FREM3: variants seen among roughly 807,000 people sequenced by gnomAD.
FREM3 encodes the protein FRAS1 related extracellular matrix 3, also known as FRAS1-related extracellular matrix protein 3.
FREM3 carries 105 observed loss-of-function variants against 129.1 expected under a neutral mutation model. The observed-to-expected ratio is 0.81, with a 90% CI of 0.69 to 0.96. The LOEUF (loss-of-function observed/expected upper bound fraction) is 0.96, where lower values mean the gene tolerates loss of function less well. Ranked by LOEUF, FREM3 falls within the 40% of genes least tolerant of loss-of-function variation. FREM3 has a pLI of 0.00. For synonymous variants in FREM3, 1,014 were observed against 1,044.9 expected, an observed-to-expected ratio of 0.97 and a Z score of 0.57; for missense variants, 2,593 against 2,666.3, an observed-to-expected ratio of 0.97 and a Z score of 0.61.
At chr4:143,631,286 C>T (rs897571760) in intron 2 of FREM3, among the ~76,000 whole-genome samples, 7 of 152,090 alleles carry the variant, frequency 4.6e-5, no homozygotes, top group Non-Finnish European at 1.0e-4. Flanking sequence ...TTCCAGTTTA[C>T]TACAGGAATA....
At chr4:143,604,755 G>T (rs1322424391) in intron 6 of FREM3, among the ~76,000 whole-genome samples, 2 of 151,972 alleles carry the variant, frequency 1.3e-5, no homozygotes, top group African/African-American at 2.4e-5. Flanking sequence ...CATGTATGTG[G>T]ATTCTAGCAT....
intron 2 of FREM3, among the ~76,000 whole-genome samples, chr4:143,664,971 ATT>A (rs745956426): frequency 1.3e-5 from 2 of 152,090 alleles, no homozygotes; most frequent in East Asian, 3.9e-4. Context: ...GAGTGACCTG[ATT>A]TTCCAGGTGC....
In FREM3 at chr4:143,698,013, T is replaced by A. The variant is rs777994401; in HGVS notation, c.2663A>T (p.Glu888Val). ...AATAACATCAGCTTGCATGAAAGAT[T>A]CCCCTGGGACCATACATCTTTTAAA... Reference protein sequence around the residue: ...QYFKRCMVPGESFMQADVING... With the variant: ...QYFKRCMVPGVSFMQADVING... Residue 888 changes from glutamate to valine, a missense_variant, in exon 1 of 8, where the codon GAA becomes GTA. Glu to Val is a moderately radical substitution (Grantham distance 121). This residue lies in a region of FREM3 where 2,276 missense variants were observed against 2,267.2 expected (regional missense o/e 1.00). Transcript: ENST00000329798. 62 of 1,537,236 alleles carry A rather than the reference T, an allele frequency of 4.0e-5. No homozygotes were observed. The African/African-American group carries it at 8.2e-4, about 20-fold the overall frequency.
At chr4:143,578,430 A>G (rs889679052) in intron 7 of FREM3, among the ~76,000 whole-genome samples, 2 of 152,224 alleles carry the variant, frequency 1.3e-5, no homozygotes, top group Non-Finnish European at 2.9e-5. Context: ...ATGATAATCA[A>G]TGGAATTAAA....
At chr4:143,662,047 G>T (rs1739737694) in intron 2 of FREM3, among the ~76,000 whole-genome samples, 1 of 151,838 alleles carries the variant, frequency 6.6e-6, no homozygotes, top group Non-Finnish European at 1.5e-5. Context: ...CCAGCTCCTG[G>T]ATTCATTGAT....
intron 2 of FREM3, among the ~76,000 whole-genome samples, chr4:143,660,639 A>C (rs1419198321): frequency 1.3e-5 from 2 of 152,088 alleles, no homozygotes; most frequent in South Asian, 4.1e-4. Context: ...TGGTAGCTTG[A>C]TGGGCATGGC....
Position 143,595,438 on chromosome 4 carries a change from A to G in FREM3, c.6029-9445T>C, listed in dbSNP as rs182107332. On this transcript the variant is annotated intron_variant, in intron 6 of 7. Transcript: ENST00000329798. Reference sequence around the variant, plus strand: ...TTTTACTTCAGTTCAACGAACATCTATTGAGCATCCCCTATGTGCTGTAAG... The same window carrying G: ...TTTTACTTCAGTTCAACGAACATCTGTTGAGCATCCCCTATGTGCTGTAAG... Among the ~76,000 whole-genome samples the G allele has an allele frequency of 5.9e-5, 9 of 152,328 alleles. No individual in the cohort carries two copies. The East Asian group carries it at 1.5e-3, about 26-fold the overall frequency.
intron 2 of FREM3, among the ~76,000 whole-genome samples, chr4:143,631,843 T>C (rs1355757882): frequency 6.6e-6 from 1 of 152,118 alleles, no homozygotes; most frequent in African/African-American, 2.4e-5. Flanking sequence ...TTTGTAATGG[T>C]ATTCTTTAGT....
At chr4:143,590,917 T>C (rs1389810712) in intron 6 of FREM3, among the ~76,000 whole-genome samples, 4 of 152,116 alleles carry the variant, frequency 2.6e-5, no homozygotes, top group African/African-American at 7.2e-5. Context: ...AATTTCAGAT[T>C]CTGTTATTGG....
intron 5 of FREM3, among the ~76,000 whole-genome samples, chr4:143,616,754 C>T (rs1041793906): frequency 9.3e-5 from 14 of 150,920 alleles, no homozygotes; most frequent in African/African-American, 3.2e-4. Context: ...GACGGCGACA[C>T]TGCACTCCAG....
intron 2 of FREM3, among the ~76,000 whole-genome samples, chr4:143,666,006 C>A (rs917686152): frequency 6.6e-6 from 1 of 152,264 alleles, no homozygotes; most frequent in East Asian, 1.9e-4. Context: ...CTTATCTGTA[C>A]TAACCTTCTA....
At chr4:143,587,981 TCTGC>T (rs1436968815) in intron 6 of FREM3, among the ~76,000 whole-genome samples, 1 of 152,198 alleles carries the variant, frequency 6.6e-6, no homozygotes, top group African/African-American at 2.4e-5. Flanking sequence ...TCCTGCATCC[TCTGC>T]CTTGATAAAC....
At chr4:143,590,295 AGGGCATCCC>A (rs1390540427) in intron 6 of FREM3, among the ~76,000 whole-genome samples, 1 of 152,196 alleles carries the variant, frequency 6.6e-6, no homozygotes, top group Non-Finnish European at 1.5e-5. Context: ...GTGATGAGAG[AGGGCATCCC>A]TGTCTTGTGC....
chr4:143,700,168 C>G lies in FREM3; in HGVS notation c.508G>C (p.Val170Leu). The G allele has an allele frequency of 2.6e-6, 4 of 1,537,022 alleles. No homozygotes were observed. Among genetic ancestry groups the G allele is most frequent in the Non-Finnish European group, 3.5e-6 (4 of 1,146,906 alleles). ...VDLVFSQLEL[V>L]TRNRPLVVEK... The stretch of plus-strand genomic sequence containing the variant: ...ACTACCAAAGGCCTGTTACGCGTCA[C>G]CAGCTCCAGCTGGGAGAAGACCAAG... The change falls in exon 1 of 8, where the codon GTG becomes CTG. Residue 170 changes from valine to leucine, a missense_variant. Val to Leu is a conservative substitution (Grantham distance 32). Transcript: ENST00000329798.
At chr4:143,604,349 C>A (rs925352918) in intron 6 of FREM3, among the ~76,000 whole-genome samples, 9 of 152,124 alleles carry the variant, frequency 5.9e-5, no homozygotes, top group African/African-American at 2.2e-4. Flanking sequence ...CACTCCATCT[C>A]CTGATTTGTT....
chr4:143,699,863 C>G lies in FREM3; in HGVS notation c.813G>C (p.Leu271=), dbSNP rs1167413682. ...NRDYVPMMVE[L]LGPEGQDAGS... Reference sequence around the variant, plus strand: ...CAGCGTCTTGGCCCTCAGGCCCCAGCAGCTCCACCATCATGGGCACGTAGT... The same window carrying G: ...CAGCGTCTTGGCCCTCAGGCCCCAGGAGCTCCACCATCATGGGCACGTAGT... The change falls in exon 1 of 8, where the codon CTG becomes CTC. Residue 271 remains leucine, a synonymous_variant. Transcript: ENST00000329798. This position sits in a 1 kb window ranked among gnomAD's most constrained non-coding sequence, Gnocchi z 4.2. The G allele has an allele frequency of 9.8e-6, 15 of 1,536,692 alleles. No individual in the cohort carries two copies. The East Asian group carries it at 3.2e-4, about 33-fold the overall frequency.
At chr4:143,655,571 T>G (rs1242669122) in intron 2 of FREM3, among the ~76,000 whole-genome samples, 2 of 152,252 alleles carry the variant, frequency 1.3e-5, no homozygotes, top group African/African-American at 4.8e-5. Context: ...AATTTACAAT[T>G]AAACTTGTGA....
At chr4:143,655,615 T>G (rs1369236517) in intron 2 of FREM3, among the ~76,000 whole-genome samples, 1 of 152,212 alleles carries the variant, frequency 6.6e-6, no homozygotes, top group Admixed American at 6.5e-5. Context: ...GCAGCATCTC[T>G]TAACTTCTAG....
Position 143,697,977 on chromosome 4 carries a change from A to G in FREM3, c.2699T>C (p.Val900Ala). ...FMQADVINGS[V>A]SYQHGRDQTT... The stretch of plus-strand genomic sequence containing the variant: ...CTGGTCTCTGCCATGCTGGTAAGAG[A>G]CACTCCCGTTAATAACATCAGCTTG... The change falls in exon 1 of 8, where the codon GTC becomes GCC. Residue 900 changes from valine (V) to alanine (A), a missense_variant. By Grantham distance (64) the Val-to-Ala change is moderately conservative (BLOSUM62 0). Transcript: ENST00000329798. 6.5e-7 allele frequency: 1 copy of G among 1,537,560 alleles called. No homozygotes were observed. Among genetic ancestry groups the G allele is most frequent in the Non-Finnish European group, 8.7e-7 (1 of 1,146,996 alleles).
Sources: gnomAD v4.1 joint callset for allele counts (sites outside exome capture counted in the v4.1 genomes callset) on GRCh38, gnomAD v4.1.1 for gene constraint, gnomAD v4.1.1 regional missense constraint, Gnocchi (gnomAD v3.1) non-coding constraint, MANE v1.5 for transcripts, NCBI Gene and HGNC (gene_info 2026-07-23, HGNC 2026-07-21) for gene names.